RARB: variants seen among roughly 807,000 people sequenced by gnomAD.
RARB encodes the protein retinoic acid receptor beta, also known as HBV-activated protein.
RARB carries 17 observed loss-of-function variants against 51.9 expected under a neutral mutation model. The observed-to-expected ratio is 0.33, with a 90% CI of 0.22 to 0.49. The LOEUF (loss-of-function observed/expected upper bound fraction) is 0.49, where lower values mean the gene tolerates loss of function less well. RARB is among the 20% of genes least tolerant of loss of function. The pLI, the probability that RARB is intolerant of heterozygous loss-of-function variation, is 0.99. For synonymous variants in RARB, 215 were observed against 195.4 expected, an observed-to-expected ratio of 1.10 and a Z score of -0.84; for missense variants, 369 against 550.8, an observed-to-expected ratio of 0.67 and a Z score of 3.30.
At chr3:25,499,943 A>G (rs1697213343) in intron 2 of RARB, among the ~76,000 whole-genome samples, 1 of 152,310 alleles carries the variant, frequency 6.6e-6, no homozygotes, top group Non-Finnish European at 1.5e-5. Flanking sequence ...TAATTTACCA[A>G]TTTTCTACAG....
chr3:25,465,047 G>A (rs1695364752), intron 2 of RARB, among the ~76,000 whole-genome samples: 2 of 151,960 alleles, frequency 1.3e-5, no homozygotes, highest in East Asian at 3.9e-4. Flanking sequence ...ATTTCCTTAG[G>A]ATAAAATTTT....
At chr3:25,525,390 C>A (rs973334880) in intron 3 of RARB, among the ~76,000 whole-genome samples, 4 of 151,890 alleles carry the variant, frequency 2.6e-5, no homozygotes, top group Non-Finnish European at 4.4e-5. Flanking sequence ...TATGTGACAC[C>A]AAATCACCCC....
intron 2 of RARB, among the ~76,000 whole-genome samples, chr3:24,984,844 C>T (rs1170625975): frequency 6.6e-6 from 1 of 152,150 alleles, no homozygotes; most frequent in Non-Finnish European, 1.5e-5. Context: ...TCATGTTGTA[C>T]ACATAACATC....
chr3:25,423,537 T>C (rs561589083), upstream of RARB, among the ~76,000 whole-genome samples: 3 of 152,256 alleles, frequency 2.0e-5, no homozygotes, highest in Admixed American at 6.5e-5. Context: ...CAAAAAAATA[T>C]ACAGATCTAT....
chr3:25,083,997 A>G (rs1356920167), intron 3 of RARB, among the ~76,000 whole-genome samples: 1 of 152,086 alleles, frequency 6.6e-6, no homozygotes, highest in Non-Finnish European at 1.5e-5. Flanking sequence ...ATCTTTGTTC[A>G]TCTTCCAGCC....
intron 5 of RARB, among the ~76,000 whole-genome samples, chr3:25,290,439 G>GA (rs972586321): frequency 4.6e-5 from 7 of 152,120 alleles, no homozygotes; most frequent in African/African-American, 1.7e-4. Flanking sequence ...AGAACCATGA[G>GA]AAAATGGATT....
chr3:25,338,674 A>G (rs1368935043), intron 5 of RARB, among the ~76,000 whole-genome samples: 3 of 152,216 alleles, frequency 2.0e-5, no homozygotes, highest in Admixed American at 2.0e-4. Context: ...GACTCAGGTC[A>G]TGTTGCTTCT....
intron 2 of RARB, among the ~76,000 whole-genome samples, chr3:25,463,696 G>A (rs183661775): frequency 2.8e-4 from 43 of 151,780 alleles, no homozygotes; most frequent in Non-Finnish European, 4.3e-4. Context: ...ATGCGTAAAT[G>A]TCACTCAGCC....
chr3:24,861,405 C>A (rs1215175169), intron 2 of RARB, among the ~76,000 whole-genome samples: 2 of 152,022 alleles, frequency 1.3e-5, no homozygotes, highest in Non-Finnish European at 1.5e-5. Flanking sequence ...TTCGTTAATA[C>A]AGAGAGGTGG....
intron 4 of RARB, among the ~76,000 whole-genome samples, chr3:25,578,720 G>A (rs1325429615): frequency 1.3e-5 from 2 of 152,214 alleles, no homozygotes; most frequent in Non-Finnish European, 2.9e-5. Flanking sequence ...AAGGAACGTC[G>A]TGGAAGGCAA....
chr3:25,408,031 G>A (rs1203363360), intron 5 of RARB, among the ~76,000 whole-genome samples: 1 of 152,014 alleles, frequency 6.6e-6, no homozygotes, highest in African/African-American at 2.4e-5. Context: ...TTTCCCCACT[G>A]ACCTATCACT....
intron 3 of RARB, among the ~76,000 whole-genome samples, chr3:25,539,534 T>C (rs532602430): frequency 1.5e-3 from 197 of 133,700 alleles, no homozygotes; most frequent in Non-Finnish European, 2.4e-3. Context: ...CTCTCTCTCT[T>C]TTTTTTTTTT....
chr3:25,230,962 T>C (rs1702163077), intron 5 of RARB, among the ~76,000 whole-genome samples: 1 of 152,180 alleles, frequency 6.6e-6, no homozygotes, highest in Non-Finnish European at 1.5e-5. Flanking sequence ...TTTTTTGTTA[T>C]GCAGCACCAG....
At chr3:25,079,791 A>T (rs946196447) in intron 3 of RARB, among the ~76,000 whole-genome samples, 4 of 152,090 alleles carry the variant, frequency 2.6e-5, no homozygotes, top group Admixed American at 6.5e-5. Context: ...AAGGTTTAAG[A>T]TTTTCATGAC....
chr3:24,874,543 T>A (rs906141042), intron 2 of RARB, among the ~76,000 whole-genome samples: 2 of 152,050 alleles, frequency 1.3e-5, no homozygotes, highest in Non-Finnish European at 1.5e-5. Flanking sequence ...ACTCTCAACA[T>A]GTTGCTGTGA....
At chr3:24,950,792 C>T (rs1335483143) in intron 2 of RARB, among the ~76,000 whole-genome samples, 1 of 151,844 alleles carries the variant, frequency 6.6e-6, no homozygotes, top group Non-Finnish European at 1.5e-5. Flanking sequence ...AACACACCAA[C>T]TAATAAAAAT....
At chr3:25,565,543 AT>A (rs1673346110) in intron 3 of RARB, among the ~76,000 whole-genome samples, 1 of 152,144 alleles carries the variant, frequency 6.6e-6, no homozygotes, top group Non-Finnish European at 1.5e-5. Context: ...CTGTTTTGCG[AT>A]GGCACATAGT....
At chr3:25,453,865 T>G (rs1371314393) in intron 1 of RARB, among the ~76,000 whole-genome samples, 2 of 152,152 alleles carry the variant, frequency 1.3e-5, no homozygotes, top group East Asian at 1.9e-4. Flanking sequence ...CCTCCCTCTC[T>G]AGCCACCCCA....
chr3:25,389,431 A>G (rs1407356474), intron 5 of RARB, among the ~76,000 whole-genome samples: 1 of 152,180 alleles, frequency 6.6e-6, no homozygotes, highest in Non-Finnish European at 1.5e-5. Flanking sequence ...ACTTTGAGGA[A>G]GTAACTAAAT....
Sources: allele counts gnomAD v4.1 joint callset (sites outside exome capture counted in the v4.1 genomes callset), GRCh38; gene constraint gnomAD v4.1.1; transcripts MANE v1.5; gene names NCBI Gene and HGNC (gene_info 2026-07-23, HGNC 2026-07-21).